The following COPS8 variants were observed in gnomAD, a reference collection of about 807,000 sequenced individuals.
The protein encoded by COPS8 is COP9 signalosome subunit 8.
Under a neutral mutation model 31.5 loss-of-function variants are expected in COPS8, and 11 were observed. The observed-to-expected ratio is 0.35, with a 90% CI of 0.22 to 0.58. The LOEUF is 0.58. Ranked by LOEUF, COPS8 falls within the 20% of genes least tolerant of loss-of-function variation. COPS8 has a pLI of 0.83. For synonymous variants in COPS8, 81 were observed against 89.3 expected, an observed-to-expected ratio of 0.91 and a Z score of 0.52; for missense variants, 215 against 255.1, an observed-to-expected ratio of 0.84 and a Z score of 1.07.
At chr2:237,091,095 C>T (rs1209618861) in intron 4 of COPS8, among the ~76,000 whole-genome samples, 1 of 152,168 alleles carries the variant, frequency 6.6e-6, no homozygotes, top group Non-Finnish European at 1.5e-5. Context: ...ATTGGCAGGA[C>T]TGGGCTTGGG....
rs1696844863 is a variant in COPS8, at chr2:237,098,632, A to G, written c.*890A>G. The stretch of plus-strand genomic sequence containing the variant: ...AAGTTGTTTGTTGTAACTTAAGGTT[A>G]TAACAGCCCTTAGTTCATTTACTCT... On this transcript the variant is annotated 3_prime_UTR_variant, in exon 8 of 8. Coordinates refer to ENST00000354371, the MANE Select transcript of COPS8 (RefSeq NM_006710.5). 2 of 152,222 alleles carry G rather than the reference A, an allele frequency of 1.3e-5. 1 individual carries two copies. Among genetic ancestry groups the G allele is most frequent in the Admixed American group, 1.3e-4 (2 of 15,282 alleles). The allele number at this position is 152,222 out of a possible 1,614,324, so 9.4% of individuals were successfully genotyped here.
Position 237,085,896 on chromosome 2 carries a change from G to A in COPS8, c.-69G>A. On this transcript the variant is annotated 5_prime_UTR_variant, in exon 1 of 8. Transcript: ENST00000354371. The stretch of plus-strand genomic sequence containing the variant: ...ACGGCGGCTTTAAACGTCATCGCGG[G>A]CGCGACGCCTGAGGGACAGTCTGGG... 6.8e-7 allele frequency: 1 copy of A among 1,462,954 alleles called. No individual in the cohort carries two copies. The highest frequency in any genetic ancestry group is 9.4e-7 in the Non-Finnish European group (1 of 1,060,024). 90.6% of individuals were successfully genotyped at this position (1,462,954 alleles called of 1,614,324 possible). A position where few individuals can be genotyped will look rare whatever the true frequency, so the allele number is the denominator to read the frequency against.
chr2:237,088,977 A>T (rs540742416), intron 3 of COPS8, among the ~76,000 whole-genome samples: 1 of 152,164 alleles, frequency 6.6e-6, no homozygotes, highest in Non-Finnish European at 1.5e-5. Flanking sequence ...CAGCTGGTTT[A>T]TGTTGCTTCC....
rs199711633 is a variant in COPS8, at chr2:237,089,845, A to C, written c.199-17A>C. ...TTACAGAGTGAATACCCTCTAAGGC[A>C]ATAATATTTATTGCAGGCAAATTCT... On this transcript the variant is annotated splice_polypyrimidine_tract_variant and intron_variant, in intron 3 of 7. Transcript: ENST00000354371. 5.6e-6 allele frequency: 9 copies of C among 1,611,290 alleles called. No individual in the cohort carries two copies. Among genetic ancestry groups the C allele is most frequent in the Non-Finnish European group, 6.8e-6 (8 of 1,179,278 alleles).
chr2:237,094,100 G>A lies in COPS8; in HGVS notation c.342G>A (p.Arg114=), dbSNP rs1207692125. The A allele has an allele frequency of 1.2e-6, 2 of 1,613,306 alleles. No individual in the cohort carries two copies. The highest frequency in any genetic ancestry group is 2.2e-5 in the East Asian group (1 of 44,836). ...CCACTCCCACAATAGATGCAACAAG[G>A]AGACGCGCCTTTGCCCTGGTCTCTC... ...PIMEALRDAT[R]RRAFALVSQA... is the part of the protein sequence containing the mutation. The change falls in exon 5 of 8, where the codon AGG becomes AGA. Residue 114 remains arginine (R), a synonymous_variant. Transcript: ENST00000354371.
rs539575993 is a variant in COPS8, at chr2:237,088,780, C to T, written c.198+127C>T. 54 of 535,034 alleles carry T rather than the reference C, an allele frequency of 1.0e-4. No homozygotes were observed. In the Admixed American group the frequency reaches 1.3e-3, roughly 13 times the overall value. The allele number at this position is 535,034 out of a possible 1,614,324, so 33.1% of individuals were successfully genotyped here. A position where few individuals can be genotyped will look rare whatever the true frequency, so the allele number is the denominator to read the frequency against. On this transcript the variant is annotated intron_variant, in intron 3 of 7. Coordinates refer to ENST00000354371, the MANE Select transcript of COPS8 (RefSeq NM_006710.5). Reference sequence around the variant, plus strand: ...AGTCATCAGATTGGTATTAAGGATTCGAAATAAATCTTCAGAGTCCTCTAA... The same window carrying T: ...AGTCATCAGATTGGTATTAAGGATTTGAAATAAATCTTCAGAGTCCTCTAA...
rs904557316 is a variant in COPS8, at chr2:237,091,799, T to TA, written c.331+1806dup. On this transcript the variant is annotated intron_variant, in intron 4 of 7. Transcript: ENST00000354371. ...AAAGGGCAAGGCGAGGGGCCAGTGT[T>TA]ACTGGGGCTGCCCCACAGGATGGAT... Among the ~76,000 whole-genome samples the TA allele has an allele frequency of 3.9e-5, 6 of 152,326 alleles. 1 individual carries two copies. Among genetic ancestry groups the TA allele is most frequent in the Admixed American group, 3.9e-4 (6 of 15,300 alleles).
chr2:237,095,354 C>T (rs1215319272), intron 5 of COPS8, among the ~76,000 whole-genome samples: 1 of 152,112 alleles, frequency 6.6e-6, no homozygotes, highest in Non-Finnish European at 1.5e-5. Flanking sequence ...AACGATGGCC[C>T]TATATCCCAC....
chr2:237,099,389 T>C lies in COPS8; in HGVS notation c.*1647T>C, dbSNP rs1250499159. 6.6e-6 allele frequency: 1 copy of C among 151,992 alleles called. No individual in the cohort carries two copies. Among genetic ancestry groups the C allele is most frequent in the Non-Finnish European group, 1.5e-5 (1 of 67,960 alleles). 9.4% of individuals were successfully genotyped at this position (151,992 alleles called of 1,614,324 possible). ...AGTGAACTACTACATAGAGAAAAAA[T>C]AATCTCAAGTGATCAAACACAATAT... On this transcript the variant is annotated 3_prime_UTR_variant, in exon 8 of 8. Transcript: ENST00000354371.
At position 237,097,908 on chromosome 2, in the gene COPS8, C is replaced by T; in HGVS notation, c.*166C>T. ...TAAGATATACTATATACATTTTGTCCATAAACGTTATGCTGAATAGTTGTT... is the reference window on the plus strand; with the variant it reads ...TAAGATATACTATATACATTTTGTCTATAAACGTTATGCTGAATAGTTGTT... On this transcript the variant is annotated 3_prime_UTR_variant, in exon 8 of 8. Coordinates refer to ENST00000354371, the MANE Select transcript of COPS8 (RefSeq NM_006710.5). 1 of 509,842 alleles carries T rather than the reference C, an allele frequency of 2.0e-6. No individual in the cohort carries two copies. The highest frequency in any genetic ancestry group is 3.5e-6 in the Non-Finnish European group (1 of 287,694). 31.6% of individuals were successfully genotyped at this position (509,842 alleles called of 1,614,324 possible).
rs1259244150 is a variant in COPS8, at chr2:237,097,690, A to G, written c.578A>G (p.Asn193Ser). 3 of 1,613,250 alleles carry G rather than the reference A, an allele frequency of 1.9e-6. No homozygotes were observed. The highest frequency in any genetic ancestry group is 1.1e-5 in the South Asian group (1 of 91,064). Residue 193 changes from asparagine (N) to serine (S), a missense_variant, in exon 8 of 8, where the codon AAT (asparagine) becomes AGT (serine). Coordinates refer to ENST00000354371, the MANE Select transcript of COPS8 (RefSeq NM_006710.5). ...SEPAPVPPIP[N>S]EQQLARLTDY... ...CCTGCTCCAGTTCCCCCAATACCCA[A>G]TGAACAGCAGTTAGCCAGACTGACG... is the stretch of plus-strand genomic sequence containing the variant.
intron 4 of COPS8, among the ~76,000 whole-genome samples, chr2:237,092,047 A>G (rs1284950444): frequency 1.3e-5 from 2 of 152,274 alleles, no homozygotes; most frequent in East Asian, 1.9e-4. Context: ...TTCTGTCTCC[A>G]GCACTGGCAG....
intron 7 of COPS8, among the ~76,000 whole-genome samples, chr2:237,097,224 C>CTTTTTTTTT (rs996251270): frequency 1.9e-4 from 18 of 95,912 alleles, no homozygotes; most frequent in South Asian, 3.6e-4. Flanking sequence ...TGTGGGTTTT[C>CTTTTTTTTT]TTTTTTTTTT....
At chr2:237,086,103 C>T in intron 1 of COPS8, 61 bp downstream of exon 1, 1 of 1,474,608 alleles carries the variant, frequency 6.8e-7, no homozygotes, top group East Asian at 2.4e-5. Context: ...GGGGCGGCAC[C>T]AGTTTCCAGG....
At chr2:237,086,789 T>G in intron 1 of COPS8, 1 of 938,840 alleles carries the variant, frequency 1.1e-6, no homozygotes, top group Non-Finnish European at 1.3e-6. Flanking sequence ...AATTTGTTTC[T>G]TATAATAGTA....
In COPS8 at chr2:237,097,644, T is replaced by G. The variant is rs763948366; in HGVS notation, c.551-19T>G. ...CTGTGGTATGTAACATGAAGTGTGTTTGTTTCTTTAACATACAGAGCCTGC... is the reference window on the plus strand; with the variant it reads ...CTGTGGTATGTAACATGAAGTGTGTGTGTTTCTTTAACATACAGAGCCTGC... On this transcript the variant is annotated intron_variant, in intron 7 of 7. Coordinates refer to ENST00000354371, the MANE Select transcript of COPS8 (RefSeq NM_006710.5). The G allele has an allele frequency of 1.9e-6, 3 of 1,592,462 alleles. No homozygotes were observed. The Admixed American group carries it at 5.0e-5, about 27-fold the overall frequency.
In COPS8 at chr2:237,093,417, G is replaced by A. The variant is rs141045496; in HGVS notation, c.332-673G>A. On this transcript the variant is annotated intron_variant, in intron 4 of 7. Transcript: ENST00000354371. ...CAATGAGCAATGCCCAGGGAGAAAG[G>A]CCAGCTGGTTTCACAGTGCTCAACT... is the stretch of plus-strand genomic sequence containing the variant. 2.0e-3 allele frequency among the ~76,000 whole-genome samples: 307 copies of A among 152,316 alleles called. 1 individual carries two copies. The highest frequency in any genetic ancestry group is 6.9e-3 in the African/African-American group (288 of 41,568).
At chr2:237,087,376 T>C in intron 2 of COPS8, 179 bp downstream of exon 2, 1 of 549,998 alleles carries the variant, frequency 1.8e-6, no homozygotes, top group East Asian at 3.1e-5. Flanking sequence ...TAGGTCGTCA[T>C]TGTCTTACAT....
chr2:237,089,743 T>A, intron 3 of COPS8, 119 bp from the exon 4 acceptor site: 2 of 978,664 alleles, frequency 2.0e-6, no homozygotes, highest in Non-Finnish European at 3.0e-6. Context: ...AAATGTTGAA[T>A]TAGGTTTTAA....
Sources: gnomAD v4.1 joint callset for allele counts (sites outside exome capture counted in the v4.1 genomes callset) on GRCh38, gnomAD v4.1.1 for gene constraint, MANE v1.5 for transcripts, NCBI Gene and HGNC (gene_info 2026-07-23, HGNC 2026-07-21) for gene names.